Variants in PRKCA observed in about 807,000 individuals in gnomAD.
The protein encoded by PRKCA is protein kinase C alpha type.
Under a neutral mutation model 87.0 loss-of-function variants are expected in PRKCA, and 27 were observed. The observed-to-expected ratio is 0.31, with a 90% confidence interval of 0.23 to 0.43. PRKCA has a LOEUF of 0.43. PRKCA is among the 20% of genes least tolerant of loss of function. The pLI is 1.00. For missense variants in PRKCA, 518 were observed against 852.3 expected (o/e 0.61, Z 4.88); for synonymous variants, 329 against 311.1 (o/e 1.06, Z -0.61).
intron 8 of PRKCA, among the ~76,000 whole-genome samples, chr17:66,710,285 C>T (rs1383703731): frequency 1.3e-5 from 2 of 152,034 alleles, no homozygotes; most frequent in Non-Finnish European, 2.9e-5. Context: ...GTCTCGGGGT[C>T]ACCGTCTGTC....
intron 2 of PRKCA, among the ~76,000 whole-genome samples, chr17:66,417,832 A>C (rs139145624): frequency 6.6e-6 from 1 of 152,146 alleles, no homozygotes; most frequent in Non-Finnish European, 1.5e-5. Context: ...AGAGTCCTAG[A>C]GTTGCTCAGG....
Position 66,625,673 on chromosome 17 carries a change from G to A in PRKCA, c.289-15682G>A, listed in dbSNP as rs140872019. ...GAGCTACTTGGAGAAAAAAAGTTTA[G>A]GTATCTATCCTATGTATCACTATTT... On this transcript the variant is annotated intron_variant, in intron 3 of 16. Coordinates refer to ENST00000413366, the MANE Select transcript of PRKCA (RefSeq NM_002737.3). 4.8e-3 allele frequency among the ~76,000 whole-genome samples: 733 copies of A among 152,256 alleles called. 8 individuals are homozygous for A. The highest frequency in any genetic ancestry group is 0.015 in the African/African-American group (606 of 41,546).
At chr17:66,751,250 CAA>C (rs1281185788) in intron 13 of PRKCA, among the ~76,000 whole-genome samples, 4 of 152,246 alleles carry the variant, frequency 2.6e-5, no homozygotes, top group African/African-American at 4.8e-5. Context: ...TTAATTCTTA[CAA>C]TAGCCCTCTA....
chr17:66,648,350 A>G (rs951578905), intron 5 of PRKCA, among the ~76,000 whole-genome samples: 1 of 152,218 alleles, frequency 6.6e-6, no homozygotes, highest in South Asian at 2.1e-4. Flanking sequence ...TGCTTCCTCC[A>G]CAGGACCGCT....
chr17:66,675,224 C>T (rs550508137), intron 5 of PRKCA, among the ~76,000 whole-genome samples: 1 of 152,348 alleles, frequency 6.6e-6, no homozygotes, highest in Non-Finnish European at 1.5e-5. Context: ...GACAGCCCCA[C>T]ATCCTCACAC....
chr17:66,340,058 A>G (rs967881184), intron 2 of PRKCA: 2 of 152,204 alleles, frequency 1.3e-5, no homozygotes, highest in Non-Finnish European at 2.9e-5. Flanking sequence ...GCTTAACAGT[A>G]AGGACCATTT....
intron 13 of PRKCA, among the ~76,000 whole-genome samples, chr17:66,765,057 G>A (rs530769858): frequency 2.6e-4 from 39 of 152,152 alleles, no homozygotes; most frequent in Admixed American, 2.0e-4. Context: ...CCGAAACTGC[G>A]TTTAGCAGCC....
intron 13 of PRKCA, among the ~76,000 whole-genome samples, chr17:66,754,157 A>T (rs1421188613): frequency 2.0e-5 from 3 of 152,080 alleles, no homozygotes; most frequent in African/African-American, 7.2e-5. Context: ...AGGGCCAAGT[A>T]GATTATGTTA....
intron 3 of PRKCA, among the ~76,000 whole-genome samples, chr17:66,610,022 A>G (rs1970308921): frequency 6.6e-6 from 1 of 152,008 alleles, no homozygotes; most frequent in Admixed American, 6.6e-5. Flanking sequence ...CAGGTCCGAC[A>G]AGATAAGGGT....
intron 3 of PRKCA, among the ~76,000 whole-genome samples, chr17:66,510,591 T>C (rs972161334): frequency 2.6e-5 from 4 of 152,232 alleles, no homozygotes; most frequent in Non-Finnish European, 5.9e-5. Flanking sequence ...CTTTGATTTC[T>C]TTCCCATTTG....
At chr17:66,737,123 C>T (rs578026934) in intron 10 of PRKCA, among the ~76,000 whole-genome samples, 50 of 150,692 alleles carry the variant, frequency 3.3e-4, no homozygotes, top group African/African-American at 1.1e-3. Context: ...GAGGCCAAGG[C>T]GGGCAGATCA....
At chr17:66,752,707 G>A (rs1974465003) in intron 13 of PRKCA, among the ~76,000 whole-genome samples, 1 of 152,196 alleles carries the variant, frequency 6.6e-6, no homozygotes, top group African/African-American at 2.4e-5. Flanking sequence ...TGCTGGGGCT[G>A]GAGGGCCCAA....
intron 8 of PRKCA, among the ~76,000 whole-genome samples, chr17:66,707,537 G>A (rs1420171559): frequency 2.0e-5 from 3 of 152,184 alleles, no homozygotes; most frequent in Non-Finnish European, 4.4e-5. Flanking sequence ...AAACTCACGT[G>A]TGTGACAAAT....
chr17:66,680,287 G>C (rs1202861961), intron 5 of PRKCA, among the ~76,000 whole-genome samples: 1 of 152,190 alleles, frequency 6.6e-6, no homozygotes, highest in Non-Finnish European at 1.5e-5. Context: ...GTGTGGAGTA[G>C]GATTCGAGAA....
chr17:66,392,122 C>G (rs1217963399), intron 2 of PRKCA, among the ~76,000 whole-genome samples: 1 of 151,688 alleles, frequency 6.6e-6, no homozygotes, highest in Non-Finnish European at 1.5e-5. Context: ...CCCAGCTACG[C>G]AGGAGGCTGA....
intron 8 of PRKCA, among the ~76,000 whole-genome samples, chr17:66,701,128 CAGAAAT>C (rs1973050890): frequency 6.6e-6 from 1 of 152,032 alleles, no homozygotes; most frequent in Non-Finnish European, 1.5e-5. Context: ...ATAGAAAACC[CAGAAAT>C]AAACCCCACA....
chr17:66,770,205 CCAGT>C (rs1253786570), intron 13 of PRKCA, among the ~76,000 whole-genome samples: 1 of 152,178 alleles, frequency 6.6e-6, no homozygotes, highest in Non-Finnish European at 1.5e-5. Context: ...ATTCATGCAT[CCAGT>C]CACTTATCTA....
chr17:66,416,237 C>G (rs1912138635), intron 2 of PRKCA: 1 of 152,204 alleles, frequency 6.6e-6, no homozygotes, highest in African/African-American at 2.4e-5. Context: ...GGTCCTGGAC[C>G]CCTGCAGGAT....
At chr17:66,680,760 AC>A (rs1357440367) in intron 5 of PRKCA, among the ~76,000 whole-genome samples, 3 of 151,750 alleles carry the variant, frequency 2.0e-5, no homozygotes, top group African/African-American at 7.3e-5. Flanking sequence ...CAGCTAGAGC[AC>A]CCTCAGAGTG....
Sources: gnomAD v4.1 joint callset for allele counts (sites outside exome capture counted in the v4.1 genomes callset) on GRCh38, gnomAD v4.1.1 for gene constraint, MANE v1.5 for transcripts, NCBI Gene and HGNC (gene_info 2026-07-23, HGNC 2026-07-21) for gene names.